Variants in ROBO1 observed in about 807,000 individuals in gnomAD.
ROBO1 encodes the protein roundabout homolog 1.
In ROBO1, 149 loss-of-function variants were observed where a neutral mutation model predicts 195.9. That is an observed-to-expected ratio of 0.76 (90% CI 0.67 to 0.87). The LOEUF is 0.87. Among genes scored for constraint, ROBO1 ranks in the 40% least tolerant of loss-of-function variants. The pLI, the probability that ROBO1 is intolerant of heterozygous loss-of-function variation, is 0.00. For missense variants in ROBO1, 1,933 were observed against 2,068.3 expected (o/e 0.93, Z 1.27); for synonymous variants, 816 against 733.2 (o/e 1.11, Z -1.82).
rs368279069 is a variant in ROBO1, at chr3:78,609,841, T to C, written c.4436-2800A>G. Among the ~76,000 whole-genome samples the C allele has an allele frequency of 2.6e-5, 4 of 152,216 alleles. No homozygotes were observed. The East Asian group carries it at 5.8e-4, about 22-fold the overall frequency. The stretch of plus-strand genomic sequence containing the variant: ...ATCAGTTTTAACCTAGTATTTCTCA[T>C]AATTACATATTTTTAAAAAATAAAT... On this transcript the variant is annotated intron_variant, in intron 28 of 30. Coordinates refer to ENST00000464233, the MANE Select transcript of ROBO1 (RefSeq NM_002941.4).
chr3:79,608,076 ATAAACATGTTGTCAAG>A (rs1944545768), intron 1 of ROBO1, among the ~76,000 whole-genome samples: 1 of 152,068 alleles, frequency 6.6e-6, no homozygotes. Flanking sequence ...ATGAAAATAA[ATAAACATGTTGTCAAG>A]TATAGACAGT....
At chr3:79,341,550 C>T (rs1006587956) in intron 2 of ROBO1, among the ~76,000 whole-genome samples, 1 of 151,472 alleles carries the variant, frequency 6.6e-6, no homozygotes, top group African/African-American at 2.4e-5. Context: ...CACTATGTTA[C>T]CAAGGCTGGT....
chr3:79,760,628 T>C (rs769551295), intron 1 of ROBO1, among the ~76,000 whole-genome samples: 3 of 144,444 alleles, frequency 2.1e-5, no homozygotes, highest in African/African-American at 5.1e-5. Flanking sequence ...AAAAAAAACC[T>C]GAATGTTCTA....
At chr3:79,170,218 C>T (rs1434159737) in intron 2 of ROBO1, among the ~76,000 whole-genome samples, 1 of 152,030 alleles carries the variant, frequency 6.6e-6, no homozygotes, top group Non-Finnish European at 1.5e-5. Flanking sequence ...CATCCCAGGG[C>T]CTCATTTACC....
intron 2 of ROBO1, among the ~76,000 whole-genome samples, chr3:79,450,018 C>A (rs1429518263): frequency 6.6e-6 from 1 of 151,880 alleles, no homozygotes; most frequent in Non-Finnish European, 1.5e-5. Flanking sequence ...CTACAGTTTT[C>A]CCCTTAAATT....
Position 78,646,196 on chromosome 3 carries a change from A to C in ROBO1, c.2840-6T>G. 1 of 1,605,538 alleles carries C rather than the reference A, an allele frequency of 6.2e-7. No individual in the cohort carries two copies. Among genetic ancestry groups the C allele is most frequent in the Non-Finnish European group, 8.5e-7 (1 of 1,173,894 alleles). On this transcript the variant is annotated splice_polypyrimidine_tract_variant and splice_region_variant and intron_variant, in intron 20 of 30. Coordinates refer to ENST00000464233, the MANE Select transcript of ROBO1 (RefSeq NM_002941.4). ...GCCTCCTCTCTGGTAAGTTACTAGA[A>C]TGTTACGAAAAAAAAAAGGAACAAT...
chr3:78,704,591 CACAT>C (rs1246489772), intron 8 of ROBO1, among the ~76,000 whole-genome samples: 5 of 114,592 alleles, frequency 4.4e-5, no homozygotes, highest in Non-Finnish European at 1.0e-4. Flanking sequence ...ATTAAACACA[CACAT>C]ACACACACAC....
rs114999010 is a variant in ROBO1, at chr3:79,017,433, T to G, written c.173-78506A>C. On this transcript the variant is annotated intron_variant, in intron 3 of 30. Transcript: ENST00000464233. ...GAAGCTCAGTATGCGAATGTGACTA[T>G]AAAAATTCCGAGGTGCAGTGTGTGT... 2.7e-3 allele frequency among the ~76,000 whole-genome samples: 404 copies of G among 150,446 alleles called. 1 individual carries two copies. The highest frequency in any genetic ancestry group is 9.5e-3 in the African/African-American group (386 of 40,828).
intron 2 of ROBO1, among the ~76,000 whole-genome samples, chr3:79,243,331 T>C (rs1428668045): frequency 6.6e-6 from 1 of 152,166 alleles, no homozygotes; most frequent in East Asian, 1.9e-4. Context: ...TGATTTATAA[T>C]CCTTTGGGTA....
At chr3:79,281,303 T>C (rs1043018006) in intron 2 of ROBO1, among the ~76,000 whole-genome samples, 2 of 149,334 alleles carry the variant, frequency 1.3e-5, no homozygotes, top group African/African-American at 5.2e-5. Context: ...TATATTCTTA[T>C]TTATTGATTG....
intron 4 of ROBO1, among the ~76,000 whole-genome samples, chr3:78,932,967 G>A (rs1238284510): frequency 6.6e-6 from 1 of 152,078 alleles, no homozygotes; most frequent in Non-Finnish European, 1.5e-5. Flanking sequence ...AGGAAATTGT[G>A]TAAAGTACTC....
intron 3 of ROBO1, among the ~76,000 whole-genome samples, chr3:78,988,402 A>G (rs1576519579): frequency 6.6e-6 from 1 of 152,190 alleles, no homozygotes; most frequent in East Asian, 1.9e-4. Context: ...TGGAAAAAGA[A>G]TAACACCTTC....
chr3:78,947,408 T>C (rs2040506820), intron 3 of ROBO1, among the ~76,000 whole-genome samples: 1 of 152,204 alleles, frequency 6.6e-6, no homozygotes, highest in African/African-American at 2.4e-5. Context: ...CTGAAATACC[T>C]GCTCCTGAAT....
chr3:79,749,344 A>G (rs1169854529), intron 1 of ROBO1, among the ~76,000 whole-genome samples: 1 of 152,242 alleles, frequency 6.6e-6, no homozygotes, highest in Non-Finnish European at 1.5e-5. Flanking sequence ...TAACAGAAGC[A>G]GAGCATAAAA....
chr3:79,458,963 A>G (rs1217819509), intron 2 of ROBO1, among the ~76,000 whole-genome samples: 1 of 152,158 alleles, frequency 6.6e-6, no homozygotes, highest in Non-Finnish European at 1.5e-5. Context: ...TTTAAACTAA[A>G]AAATATTTAA....
intron 1 of ROBO1, among the ~76,000 whole-genome samples, chr3:79,596,114 A>G (rs1040187305): frequency 6.6e-6 from 1 of 152,014 alleles, no homozygotes; most frequent in African/African-American, 2.4e-5. Context: ...ATCACCCAAA[A>G]TCAATCTCTA....
chr3:79,092,654 A>G (rs1177111687), intron 3 of ROBO1, among the ~76,000 whole-genome samples: 1 of 152,184 alleles, frequency 6.6e-6, no homozygotes, highest in Non-Finnish European at 1.5e-5. Context: ...AACGGTAGCC[A>G]CAATTACATA....
chr3:79,497,460 G>A (rs1939810956), intron 2 of ROBO1, among the ~76,000 whole-genome samples: 1 of 151,850 alleles, frequency 6.6e-6, no homozygotes, highest in Non-Finnish European at 1.5e-5. Flanking sequence ...TTGTAATTAT[G>A]GTAACTGGAA....
intron 4 of ROBO1, among the ~76,000 whole-genome samples, chr3:78,813,122 G>T (rs927929176): frequency 4.6e-5 from 7 of 151,930 alleles, no homozygotes; most frequent in Non-Finnish European, 8.8e-5. Context: ...ATACAGATCT[G>T]TCAATTGCCA....
Sources: allele counts gnomAD v4.1 joint callset (sites outside exome capture counted in the v4.1 genomes callset), GRCh38; gene constraint gnomAD v4.1.1; transcripts MANE v1.5; gene names NCBI Gene and HGNC (gene_info 2026-07-23, HGNC 2026-07-21).